CMC1: variants seen among roughly 807,000 people sequenced by gnomAD.
The protein encoded by CMC1 is C-X9-C motif containing 1.
CMC1 carries 14 observed loss-of-function variants against 14.1 expected under a neutral mutation model. That is an observed-to-expected ratio of 0.99 (90% CI 0.66 to 1.55). The LOEUF (loss-of-function observed/expected upper bound fraction) is 1.55, where lower values mean the gene tolerates loss of function less well. Among genes scored for constraint, CMC1 ranks in the 40% most tolerant of loss-of-function variants. The pLI, the probability that CMC1 is intolerant of heterozygous loss-of-function variation, is 0.00. For missense variants in CMC1, 127 were observed against 123.8 expected (o/e 1.03, Z -0.12); for synonymous variants, 50 against 38.4 (o/e 1.30, Z -1.12).
chr3:28,253,612 C>G, intron 1 of CMC1: 1 of 462,948 alleles, frequency 2.2e-6, no homozygotes, highest in Non-Finnish European at 3.6e-6. Flanking sequence ...AAAAACCCCC[C>G]AAAAAACTCC....
At chr3:28,279,652 A>C (rs1700767223) in intron 2 of CMC1, among the ~76,000 whole-genome samples, 1 of 144,262 alleles carries the variant, frequency 6.9e-6, no homozygotes, top group Non-Finnish European at 1.6e-5. Context: ...TAAATTCTAA[A>C]ACTGAAAAAA....
chr3:28,295,786 C>G (rs1262830943), intron 2 of CMC1, among the ~76,000 whole-genome samples: 1 of 152,082 alleles, frequency 6.6e-6, no homozygotes, highest in Non-Finnish European at 1.5e-5. Context: ...GATGCCCGTC[C>G]TTCTCCAGGA....
chr3:28,308,773 AGGTGATCGAGACCATCCTGGCCAACAT>A (rs1702465508), intron 2 of CMC1, among the ~76,000 whole-genome samples: 1 of 152,148 alleles, frequency 6.6e-6, no homozygotes, highest in Non-Finnish European at 1.5e-5. Flanking sequence ...TCACAAGGTC[AGGTGATCGAGACCATCCTGGCCAACAT>A]GGTGAAACCC....
chr3:28,288,940 AATCTT>A (rs1701333196), intron 2 of CMC1, among the ~76,000 whole-genome samples: 1 of 151,734 alleles, frequency 6.6e-6, no homozygotes, highest in African/African-American at 2.4e-5. Flanking sequence ...ACAAATACAT[AATCTT>A]ATCTTTTAAA....
At chr3:28,309,821 CCACACACACACACACACACACA>C (rs57499697) in intron 2 of CMC1, among the ~76,000 whole-genome samples, 1 of 131,792 alleles carries the variant, frequency 7.6e-6, no homozygotes, top group South Asian at 2.5e-4. Flanking sequence ...CTGATATTTA[CCACACACACACACACACACACA>C]CACACACACA....
chr3:28,309,032 C>CT (rs1702486607), intron 2 of CMC1, among the ~76,000 whole-genome samples: 1 of 151,854 alleles, frequency 6.6e-6, no homozygotes, highest in Non-Finnish European at 1.5e-5. Flanking sequence ...AAAATTGGGT[C>CT]TAGTGGACCC....
chr3:28,256,624 T>A (rs1050676596), intron 1 of CMC1, among the ~76,000 whole-genome samples: 3 of 152,130 alleles, frequency 2.0e-5, no homozygotes, highest in Non-Finnish European at 4.4e-5. Flanking sequence ...TTCTAGATAA[T>A]ATAAAGGGAG....
intron 2 of CMC1, among the ~76,000 whole-genome samples, chr3:28,282,453 A>G (rs1700951473): frequency 6.6e-6 from 1 of 152,146 alleles, no homozygotes; most frequent in South Asian, 2.1e-4. Context: ...ATTATTCCTT[A>G]CCTTCTCTGG....
At chr3:28,299,730 T>C (rs1701926935) in intron 2 of CMC1, among the ~76,000 whole-genome samples, 1 of 152,078 alleles carries the variant, frequency 6.6e-6, no homozygotes, top group East Asian at 1.9e-4. Context: ...ACCTGGGACA[T>C]TAAAAAAAAC....
At chr3:28,300,951 A>C in intron 2 of CMC1, among the ~76,000 whole-genome samples, 1 of 119,546 alleles carries the variant, frequency 8.4e-6, no homozygotes, top group African/African-American at 3.2e-5. Context: ...CCCCCCAAAC[A>C]CAGAAATGAT....
intron 2 of CMC1, among the ~76,000 whole-genome samples, chr3:28,289,446 C>T (rs1161919115): frequency 1.3e-5 from 2 of 152,058 alleles, no homozygotes; most frequent in South Asian, 2.1e-4. Context: ...ATTTGTAGGA[C>T]AATGAGAAGG....
At chr3:28,258,614 ATTT>A (rs61323375) in intron 1 of CMC1, among the ~76,000 whole-genome samples, 1 of 99,126 alleles carries the variant, frequency 1.0e-5, no homozygotes, top group Non-Finnish European at 2.0e-5. Context: ...GTATTTCTGG[ATTT>A]TTTTTTTTTT....
chr3:28,277,698 A>C (rs1370805065), intron 2 of CMC1, among the ~76,000 whole-genome samples: 1 of 152,212 alleles, frequency 6.6e-6, no homozygotes, highest in African/African-American at 2.4e-5. Flanking sequence ...GATAATTCAG[A>C]TATCTCTGAG....
chr3:28,283,219 G>A (rs945737066), intron 2 of CMC1, among the ~76,000 whole-genome samples: 5 of 152,002 alleles, frequency 3.3e-5, no homozygotes, highest in Non-Finnish European at 4.4e-5. Context: ...CACATGATTA[G>A]AAACCAGTTC....
rs144103743 is a variant in CMC1, at chr3:28,268,597, T to G, written c.109+5217T>G. On this transcript the variant is annotated intron_variant, in intron 2 of 3. Transcript: ENST00000466830. ...AAACAGTTTGGGCACAGTGAGCCAC[T>G]CTTATCAATTACGAAATGGGGACAC... 7.4e-3 allele frequency among the ~76,000 whole-genome samples: 1,129 copies of G among 152,268 alleles called. 6 individuals are homozygous for G. Among genetic ancestry groups the G allele is most frequent in the Non-Finnish European group, 0.012 (838 of 68,018 alleles).
At chr3:28,289,651 C>CTA (rs993504545) in intron 2 of CMC1, among the ~76,000 whole-genome samples, 1 of 152,030 alleles carries the variant, frequency 6.6e-6, no homozygotes, top group African/African-American at 2.4e-5. Context: ...TTAACTACTA[C>CTA]CAATGCAGGA....
intron 1 of CMC1, among the ~76,000 whole-genome samples, chr3:28,250,036 A>G (rs1166805333): frequency 6.6e-6 from 1 of 152,160 alleles, no homozygotes; most frequent in African/African-American, 2.4e-5. Context: ...AATCCTATCG[A>G]ATTAAGGCCT....
chr3:28,324,821 T>C lies in CMC1; in HGVS notation c.*5192T>C, dbSNP rs1703322815. 1 of 161,152 alleles carries C rather than the reference T, an allele frequency of 6.2e-6. No individual in the cohort carries two copies. The highest frequency in any genetic ancestry group is 1.3e-5 in the Non-Finnish European group (1 of 74,334). 10.0% of individuals were successfully genotyped at this position (161,152 alleles called of 1,614,324 possible). On this transcript the variant is annotated 3_prime_UTR_variant, in exon 4 of 4. Coordinates refer to ENST00000466830, the MANE Select transcript of CMC1 (RefSeq NM_182523.2). Reference sequence around the variant, plus strand: ...AAAATACAAATAAAGATCCTGTTCTTGGCTCTTATTGTGGCTGGAGAAGGA... The same window carrying C: ...AAAATACAAATAAAGATCCTGTTCTCGGCTCTTATTGTGGCTGGAGAAGGA...
intron 2 of CMC1, among the ~76,000 whole-genome samples, chr3:28,283,283 G>A (rs1292597439): frequency 1.3e-5 from 2 of 152,076 alleles, no homozygotes; most frequent in African/African-American, 4.8e-5. Context: ...GTGGGCTGGG[G>A]TAGGCAGATC....
Sources: gnomAD v4.1 joint callset for allele counts (sites outside exome capture counted in the v4.1 genomes callset) on GRCh38, gnomAD v4.1.1 for gene constraint, MANE v1.5 for transcripts, NCBI Gene and HGNC (gene_info 2026-07-23, HGNC 2026-07-21) for gene names.